TERT: variants seen among roughly 807,000 people sequenced by gnomAD.
TERT encodes the protein telomerase reverse transcriptase.
TERT carries 42 observed loss-of-function variants against 104.0 expected under a neutral mutation model. That is an observed-to-expected ratio of 0.40 (90% CI 0.32 to 0.52). The LOEUF is 0.52. Ranked by LOEUF, TERT falls within the 20% of genes least tolerant of loss-of-function variation. The probability of loss-of-function intolerance (pLI) is 0.43; values close to 1 mark genes in which losing one functional copy is unlikely to be tolerated. For synonymous variants in TERT, 781 were observed against 725.6 expected, an observed-to-expected ratio of 1.08 and a Z score of -1.23; for missense variants, 1,101 against 1,610.3, an observed-to-expected ratio of 0.68 and a Z score of 5.41.
Position 1,263,756 on chromosome 5 carries a change from T to A in TERT, c.2843+648A>T, listed in dbSNP as rs1245510300. On this transcript the variant is annotated intron_variant, in intron 11 of 15. Coordinates refer to ENST00000310581, the MANE Select transcript of TERT (RefSeq NM_198253.3). The surrounding 1 kb of genome is among the most constrained non-coding windows in gnomAD (Gnocchi z 5.3). ...AAAAGAAACAGCACAGATTTCTGCA[T>A]CTGTGTCCATCTTCAATTCATTTGT... Among the ~76,000 whole-genome samples, 2 of 152,270 alleles carry A rather than the reference T, an allele frequency of 1.3e-5. No homozygotes were observed. The highest frequency in any genetic ancestry group is 4.8e-5 in the African/African-American group (2 of 41,482).
chr5:1,277,148 C>T (rs1156887529), intron 6 of TERT, among the ~76,000 whole-genome samples: 6 of 152,194 alleles, frequency 3.9e-5, no homozygotes, highest in Non-Finnish European at 7.4e-5. Flanking sequence ...TCCCACGAGG[C>T]GGCTTCGACA....
chr5:1,278,761 C>T lies in TERT; in HGVS notation c.2166G>A (p.Gln722=). The T allele has an allele frequency of 1.2e-6, 2 of 1,614,168 alleles. No homozygotes were observed. The highest frequency in any genetic ancestry group is 1.7e-6 in the Non-Finnish European group (2 of 1,180,048). The change falls in exon 6 of 16, where the codon CAG becomes CAA. Residue 722 remains glutamine, a synonymous_variant. Coordinates refer to ENST00000310581, the MANE Select transcript of TERT (RefSeq NM_198253.3). ...TGGCGATGACCTCCGTGAGCCTGTC[C>T]TGGGGGATGGTGTCGTACGCGCCCG... The part of the protein sequence containing the change: ...DVTGAYDTIP[Q]DRLTEVIASI...
chr5:1,282,730 C>G, intron 2 of TERT, 106 bp from the exon 3 acceptor site: 3 of 1,159,452 alleles, frequency 2.6e-6, no homozygotes, highest in Non-Finnish European at 3.7e-6. Flanking sequence ...AAGGGCCTGG[C>G]GACCTCACCC....
In TERT at chr5:1,286,659, C is replaced by G. The variant is rs1483841211; in HGVS notation, c.1574-4035G>C. 1.3e-5 allele frequency among the ~76,000 whole-genome samples: 2 copies of G among 152,144 alleles called. No homozygotes were observed. Among genetic ancestry groups the G allele is most frequent in the African/African-American group, 4.8e-5 (2 of 41,426 alleles). On this transcript the variant is annotated intron_variant, in intron 2 of 15. Coordinates refer to ENST00000310581, the MANE Select transcript of TERT (RefSeq NM_198253.3). This position sits in a 1 kb window ranked among gnomAD's most constrained non-coding sequence, Gnocchi z 5.3. ...GTGGGAGGCCAAGGCGGGCAGATCA[C>G]TTGAGGTCAGGAGTTTGAGACCAGC...
chr5:1,279,181 C>G, intron 5 of TERT, 110 bp downstream of exon 5: 1 of 1,265,476 alleles, frequency 7.9e-7, no homozygotes, highest in Non-Finnish European at 1.1e-6. Context: ...GGGTCACCTG[C>G]ACTCCCTGCG....
intron 5 of TERT, 80 bp downstream of exon 5, chr5:1,279,211 C>T: frequency 2.7e-6 from 4 of 1,485,608 alleles, no homozygotes; most frequent in Admixed American, 2.1e-5. Context: ...GGAGTACCTC[C>T]TCCACCCAAC....
intron 12 of TERT, among the ~76,000 whole-genome samples, chr5:1,260,074 G>A (rs755308830): frequency 3.9e-5 from 6 of 152,186 alleles, no homozygotes; most frequent in Admixed American, 6.5e-5. Flanking sequence ...CTGGGACCCC[G>A]TCTCATCCTG....
chr5:1,276,044 C>A (rs112948462), intron 6 of TERT, among the ~76,000 whole-genome samples: 5 of 101,676 alleles, frequency 4.9e-5, no homozygotes, highest in Non-Finnish European at 8.6e-5. Flanking sequence ...AGATCCCCAC[C>A]TACCCCACAC....
In TERT at chr5:1,253,793, G is replaced by A. The variant is rs1579541689; in HGVS notation, c.3334C>T (p.Leu1112=). 6.2e-7 allele frequency: 1 copy of A among 1,612,070 alleles called. No individual in the cohort carries two copies. Among genetic ancestry groups the A allele is most frequent in the South Asian group, 1.1e-5 (1 of 90,638 alleles). ...QLSRKLPGTT[L]TALEAAANPA... is the part of the protein sequence containing the mutation. ...TTGGCTGCGGCCTCCAGGGCAGTCA[G>A]CGTCGTCCCCGGGAGCTTCCGACTC... Residue 1112 remains leucine (L), a synonymous_variant, in exon 16 of 16, where the codon CTG becomes TTG. Transcript: ENST00000310581.
intron 2 of TERT, among the ~76,000 whole-genome samples, chr5:1,289,804 T>C (rs1750759629): frequency 9.3e-6 from 1 of 107,102 alleles, no homozygotes; most frequent in Admixed American, 8.8e-5. Flanking sequence ...GGACCGCGCC[T>C]CACTCACCCT....
intron 11 of TERT, among the ~76,000 whole-genome samples, chr5:1,260,939 G>A (rs1748190007): frequency 6.6e-6 from 1 of 152,224 alleles, no homozygotes; most frequent in Non-Finnish European, 1.5e-5. Flanking sequence ...TGGCTCCCGG[G>A]CGTCCCTCGA....
rs371744235 is a variant in TERT, at chr5:1,264,589, G to T, written c.2658C>A (p.Thr886=). Reference sequence around the variant, plus strand: ...CATACTCAGGGACACCTCGGACCAGGGTCCTAAGGCAGAGGGGCAATGTCA... The same window carrying T: ...CATACTCAGGGACACCTCGGACCAGTGTCCTAAGGCAGAGGGGCAATGTCA... ...HLTHAKTFLR[T]LVRGVPEYGC... The change falls in exon 11 of 16, where the codon ACC becomes ACA. Residue 886 remains threonine, a synonymous_variant. Transcript: ENST00000310581. 1.2e-4 allele frequency: 187 copies of T among 1,613,954 alleles called. 1 individual carries two copies. In the African/African-American group the frequency reaches 2.4e-3, roughly 21 times the overall value.
At position 1,288,974 on chromosome 5, in the gene TERT, C is replaced by G. The variant is rs1273211435; in HGVS notation, c.1573+4339G>C. ...AAGATAGGCTTGGGGACCAGCACTG[C>G]GCCTGCACCATCTACCCAGGCAATG... On this transcript the variant is annotated intron_variant, in intron 2 of 15. Transcript: ENST00000310581. The surrounding 1 kb of genome is among the most constrained non-coding windows in gnomAD (Gnocchi z 5.3). Among the ~76,000 whole-genome samples the G allele has an allele frequency of 2.6e-5, 4 of 152,156 alleles. No homozygotes were observed. Among genetic ancestry groups the G allele is most frequent in the African/African-American group, 9.7e-5 (4 of 41,418 alleles).
Position 1,286,190 on chromosome 5 carries a change from G to C in TERT, c.1574-3566C>G, listed in dbSNP as rs1191474890. ...GGGCCAAGATGACCGCCCTCCTCGT[G>C]AGTCTCCACATCTTCATCTGTGCAT... On this transcript the variant is annotated intron_variant, in intron 2 of 15. Coordinates refer to ENST00000310581, the MANE Select transcript of TERT (RefSeq NM_198253.3). The surrounding 1 kb of genome is among the most constrained non-coding windows in gnomAD (Gnocchi z 5.3). 6.6e-6 allele frequency among the ~76,000 whole-genome samples: 1 copy of C among 152,164 alleles called. No individual in the cohort carries two copies. The highest frequency in any genetic ancestry group is 1.5e-5 in the Non-Finnish European group (1 of 68,044).
chr5:1,257,507 A>C lies in TERT; in HGVS notation c.3032+1091T>G, dbSNP rs1747834102. On this transcript the variant is annotated intron_variant, in intron 13 of 15. Coordinates refer to ENST00000310581, the MANE Select transcript of TERT (RefSeq NM_198253.3). The surrounding 1 kb of genome is among the most constrained non-coding windows in gnomAD (Gnocchi z 5.6). ...GGCACGCGTCAGGGAGATGCAAACG[A>C]GGGAAGATTTGAGGCAGAGAGAGAA... Among the ~76,000 whole-genome samples, 1 of 152,100 alleles carries C rather than the reference A, an allele frequency of 6.6e-6. No homozygotes were observed. The highest frequency in any genetic ancestry group is 1.5e-5 in the Non-Finnish European group (1 of 68,002).
chr5:1,289,332 G>A (rs1275641454), intron 2 of TERT, among the ~76,000 whole-genome samples: 1 of 146,018 alleles, frequency 6.8e-6, no homozygotes. Context: ...AGACACCCGG[G>A]GACAGTGCCT....
chr5:1,288,314 A>G lies in TERT; in HGVS notation c.1573+4999T>C, dbSNP rs921920299. On this transcript the variant is annotated intron_variant, in intron 2 of 15. Coordinates refer to ENST00000310581, the MANE Select transcript of TERT (RefSeq NM_198253.3). This position sits in a 1 kb window ranked among gnomAD's most constrained non-coding sequence, Gnocchi z 5.3. ...AGGGAAAGGCATGACTAAACTAAGAAGCTAGAAAAGGAATGAAAGAATAAA... is the reference window on the plus strand; with the variant it reads ...AGGGAAAGGCATGACTAAACTAAGAGGCTAGAAAAGGAATGAAAGAATAAA... Among the ~76,000 whole-genome samples, 1 of 152,250 alleles carries G rather than the reference A, an allele frequency of 6.6e-6. No individual in the cohort carries two copies. Among genetic ancestry groups the G allele is most frequent in the Non-Finnish European group, 1.5e-5 (1 of 68,046 alleles).
Position 1,253,651 on chromosome 5 carries a change from T to A in TERT, c.*77A>T. The A allele has an allele frequency of 7.6e-7, 1 of 1,317,744 alleles. No individual in the cohort carries two copies. Among genetic ancestry groups the A allele is most frequent in the Non-Finnish European group, 1.1e-6 (1 of 933,686 alleles). 81.6% of individuals were successfully genotyped at this position (1,317,744 alleles called of 1,614,324 possible). On this transcript the variant is annotated 3_prime_UTR_variant, in exon 16 of 16. Coordinates refer to ENST00000310581, the MANE Select transcript of TERT (RefSeq NM_198253.3). ...TGCGGGCCTGGGTGTGGGCCGCCCCTCCCTCCCTGGGACGTAGAGCCCGGC... is the reference window on the plus strand; with the variant it reads ...TGCGGGCCTGGGTGTGGGCCGCCCCACCCTCCCTGGGACGTAGAGCCCGGC...
At position 1,279,369 on chromosome 5, in the gene TERT, G is replaced by A. The variant is rs768948796; in HGVS notation, c.2052C>T (p.Asp684=). ...GLLGASVLGL[D]DIHRAWRTFV... ...AGGTGCGCCAGGCCCTGTGGATATC[G>A]TCCAGGCCCAGCACAGAGGCGCCCA... Residue 684 remains aspartate, a synonymous_variant, in exon 5 of 16, where the codon GAC becomes GAT. Coordinates refer to ENST00000310581, the MANE Select transcript of TERT (RefSeq NM_198253.3). 2.9e-5 allele frequency: 45 copies of A among 1,568,948 alleles called. No homozygotes were observed. The highest frequency in any genetic ancestry group is 2.1e-4 in the Middle Eastern group (1 of 4,656).
Sources: allele counts gnomAD v4.1 joint callset (sites outside exome capture counted in the v4.1 genomes callset), GRCh38; gene constraint gnomAD v4.1.1; non-coding constraint Gnocchi (gnomAD v3.1); transcripts MANE v1.5; gene names NCBI Gene and HGNC (gene_info 2026-07-23, HGNC 2026-07-21).